The following SPTBN4 variants were observed in gnomAD, a reference collection of about 807,000 sequenced individuals.
SPTBN4 encodes the protein spectrin beta chain, non-erythrocytic 4.
SPTBN4 carries 96 observed loss-of-function variants against 277.8 expected under a neutral mutation model. The ratio of observed to expected loss-of-function variants is 0.35; its 90% CI spans 0.29 to 0.41. SPTBN4 has a LOEUF of 0.41. Among genes scored for constraint, SPTBN4 ranks in the 10% least tolerant of loss-of-function variants. The pLI is 1.00. For synonymous variants in SPTBN4, 1,481 were observed against 1,580.3 expected (o/e 0.94, Z 1.49); for missense variants, 3,006 against 3,595.7 (o/e 0.84, Z 4.19).
intron 20 of SPTBN4, among the ~76,000 whole-genome samples, chr19:40,543,966 CG>C (rs1451905231): frequency 2.4e-4 from 37 of 152,154 alleles, no homozygotes; most frequent in Admixed American, 9.2e-4. Context: ...GGAAAATTAT[CG>C]CCTTCATCCC....
chr19:40,515,541 A>C lies in SPTBN4; in HGVS notation c.2903+93A>C. 7.5e-7 allele frequency: 1 copy of C among 1,336,594 alleles called. No homozygotes were observed. The highest frequency in any genetic ancestry group is 1.7e-5 in the South Asian group (1 of 57,608). 82.8% of individuals were successfully genotyped at this position (1,336,594 alleles called of 1,614,324 possible). On this transcript the variant is annotated intron_variant, in intron 15 of 35. Transcript: ENST00000598249. This position sits in a 1 kb window ranked among gnomAD's most constrained non-coding sequence, Gnocchi z 4.1. The stretch of plus-strand genomic sequence containing the variant: ...AAGATGTGCAATCTCAAACCCCTGG[A>C]ATCATAATGGCCACCCGATAAATCA...
intron 2 of SPTBN4, among the ~76,000 whole-genome samples, chr19:40,487,000 C>T (rs1458613018): frequency 6.7e-6 from 1 of 149,434 alleles, no homozygotes; most frequent in Admixed American, 6.6e-5. Flanking sequence ...TCGGGGAAGG[C>T]GTCACAGGTA....
intron 21 of SPTBN4, 73 bp from the exon 22 acceptor site, chr19:40,550,164 GT>G: frequency 1.5e-6 from 2 of 1,301,476 alleles, no homozygotes; most frequent in Non-Finnish European, 2.2e-6. Context: ...TGCCGTGCAG[GT>G]TTAAAGTTTA....
chr19:40,567,215 T>C, intron 30 of SPTBN4: 2 of 443,152 alleles, frequency 4.5e-6, no homozygotes, highest in South Asian at 1.6e-5. Flanking sequence ...CGAGGATCAC[T>C]TGAGCACTGG....
At chr19:40,483,005 T>C (rs893857188) in intron 2 of SPTBN4, among the ~76,000 whole-genome samples, 13 of 151,724 alleles carry the variant, frequency 8.6e-5, no homozygotes, top group Middle Eastern at 3.4e-3. Flanking sequence ...AAAATATATA[T>C]GTATACACAC....
At chr19:40,538,599 T>C (rs932897714) in intron 20 of SPTBN4, among the ~76,000 whole-genome samples, 14 of 152,192 alleles carry the variant, frequency 9.2e-5, no homozygotes, top group Non-Finnish European at 1.8e-4. Flanking sequence ...TGAATTTTTT[T>C]GTTTTTGAGG....
chr19:40,532,589 G>A (rs1392557844), intron 18 of SPTBN4, 36 bp from the exon 19 acceptor site: 1 of 1,586,922 alleles, frequency 6.3e-7, no homozygotes, highest in Admixed American at 1.7e-5. Flanking sequence ...GCAGGTTGAG[G>A]GGACCAGCTG....
chr19:40,570,252 GACTC>G (rs2081141247), intron 32 of SPTBN4, among the ~76,000 whole-genome samples, 180 bp from the exon 33 acceptor site: 1 of 151,266 alleles, frequency 6.6e-6, no homozygotes, highest in African/African-American at 2.4e-5. Flanking sequence ...AGTCCTAACA[GACTC>G]ACTCCCAAGA....
At chr19:40,468,080 C>CT (rs10622374) in intron 1 of SPTBN4, among the ~76,000 whole-genome samples, 50,266 of 144,452 alleles carry the variant, frequency 0.35, 9,958 homozygotes, top group African/African-American at 0.54. Context: ...ATTATCATTA[C>CT]TTTTTTTTTT....
At chr19:40,566,448 T>C in intron 30 of SPTBN4, 89 bp downstream of exon 30, 2 of 1,238,242 alleles carry the variant, frequency 1.6e-6, no homozygotes, top group African/African-American at 1.6e-5. Context: ...CACCGAGACA[T>C]GGTGCTTGGT....
At position 40,505,509 on chromosome 19, in the gene SPTBN4, T is replaced by G. The variant is rs532692658; in HGVS notation, c.1666-727T>G. On this transcript the variant is annotated intron_variant, in intron 12 of 35. Transcript: ENST00000598249. ...GAGTTCAAGACCAGCCTGGCCAACA[T>G]GGCGAAACCCCATCTCTACTAAAAA... Among the ~76,000 whole-genome samples, 5 of 151,402 alleles carry G rather than the reference T, an allele frequency of 3.3e-5. No homozygotes were observed. The South Asian group carries it at 6.3e-4, about 19-fold the overall frequency.
At chr19:40,527,929 G>A (rs1044955807) in intron 17 of SPTBN4, among the ~76,000 whole-genome samples, 1 of 151,972 alleles carries the variant, frequency 6.6e-6, no homozygotes, top group African/African-American at 2.4e-5. Flanking sequence ...GGTGGTGGGC[G>A]CCTGTAATCC....
At chr19:40,472,861 G>T in intron 2 of SPTBN4, 71 bp downstream of exon 2, 1 of 1,437,648 alleles carries the variant, frequency 7.0e-7, no homozygotes, top group South Asian at 1.3e-5. Context: ...AACCTTGGTG[G>T]CTGGGAGGGT....
In SPTBN4 at chr19:40,519,209, ATGTTGAGAAT is replaced by A. The variant is rs1284556911; in HGVS notation, c.2904-191_2904-182del. Among the ~76,000 whole-genome samples, 7 of 152,234 alleles carry A rather than the reference ATGTTGAGAAT, an allele frequency of 4.6e-5. No individual in the cohort carries two copies. Among genetic ancestry groups the A allele is most frequent in the Non-Finnish European group, 1.0e-4 (7 of 68,044 alleles). ...ATAGTTTTGTCCTCTATCAGATTAC[ATGTTGAGAAT>A]GGCTGCCCTAAGCAAAAGTGCTGCG... On this transcript the variant is annotated intron_variant, in intron 15 of 35. Transcript: ENST00000598249. This position sits in a 1 kb window ranked among gnomAD's most constrained non-coding sequence, Gnocchi z 5.7.
intron 2 of SPTBN4, among the ~76,000 whole-genome samples, chr19:40,473,150 C>T (rs1259864306): frequency 1.3e-5 from 2 of 152,032 alleles, no homozygotes; most frequent in Non-Finnish European, 2.9e-5. Flanking sequence ...CGGCTCAAGC[C>T]ATCCTCCTAC....
At chr19:40,536,031 T>C (rs905045634) in intron 20 of SPTBN4, among the ~76,000 whole-genome samples, 4 of 152,158 alleles carry the variant, frequency 2.6e-5, no homozygotes, top group Non-Finnish European at 5.9e-5. Flanking sequence ...TGTTGGGATA[T>C]AGCAGTGGGC....
intron 12 of SPTBN4, among the ~76,000 whole-genome samples, chr19:40,504,438 G>A (rs1025934880): frequency 2.6e-5 from 4 of 151,966 alleles, no homozygotes; most frequent in African/African-American, 9.7e-5. Flanking sequence ...AGGCCAAGGA[G>A]GGCAGATCAC....
At chr19:40,532,536 C>A in intron 18 of SPTBN4, 89 bp from the exon 19 acceptor site, 1 of 1,510,106 alleles carries the variant, frequency 6.6e-7, no homozygotes. Context: ...CCTAGCAGCC[C>A]AGGCCCTGAA....
chr19:40,513,314 C>T lies in SPTBN4; in HGVS notation c.2525C>T (p.Ala842Val). 1.3e-6 allele frequency: 2 copies of T among 1,567,220 alleles called. No individual in the cohort carries two copies. Among genetic ancestry groups the T allele is most frequent in the South Asian group, 2.3e-5 (2 of 85,988 alleles). Residue 842 changes from alanine (A) to valine (V), a missense_variant, in exon 14 of 36, where the codon GCC becomes GTC. Physicochemically the swap from Ala to Val is moderately conservative, Grantham distance 64 (BLOSUM62 0). Coordinates refer to ENST00000598249, the MANE Select transcript of SPTBN4 (RefSeq NM_020971.3). ...CGCCAGCTGGCGACACTCGGGGGTG[C>T]CAGTGGCGCAGGGCCACTGGTGGTG... ...LRRQLATLGG[A>V]SGAGPLVVAL...
Sources: allele counts gnomAD v4.1 joint callset (sites outside exome capture counted in the v4.1 genomes callset), GRCh38; gene constraint gnomAD v4.1.1; non-coding constraint Gnocchi (gnomAD v3.1); transcripts MANE v1.5; gene names NCBI Gene and HGNC (gene_info 2026-07-23, HGNC 2026-07-21).